Variants in LARS2 observed in about 807,000 individuals in gnomAD.
LARS2 encodes the protein leucine--tRNA ligase, mitochondrial.
Under a neutral mutation model 116.6 loss-of-function variants are expected in LARS2, and 81 were observed. The ratio of observed to expected loss-of-function variants is 0.69; its 90% CI spans 0.58 to 0.84. The LOEUF (loss-of-function observed/expected upper bound fraction) is 0.84, where lower values mean the gene tolerates loss of function less well. LARS2 is among the 40% of genes least tolerant of loss of function. The pLI is 0.00. For missense variants in LARS2, 968 were observed against 1,114.5 expected (o/e 0.87, Z 1.87); for synonymous variants, 396 against 407.2 (o/e 0.97, Z 0.33).
Position 45,516,199 on chromosome 3 carries a change from A to C in LARS2, c.1967A>C (p.Gln656Pro). 6.2e-7 allele frequency: 1 copy of C among 1,614,240 alleles called. No individual in the cohort carries two copies. The highest frequency in any genetic ancestry group is 8.5e-7 in the Non-Finnish European group (1 of 1,180,034). The change falls in exon 17 of 22, where the codon CAG (glutamine) becomes CCG (proline). Residue 656 changes from glutamine (Q) to proline (P), a missense_variant. Gln to Pro is a moderately conservative substitution (Grantham distance 76, BLOSUM62 -1). Coordinates refer to ENST00000645846, the MANE Select transcript of LARS2 (RefSeq NM_015340.4). ...NGVDPEEVVE[Q>P]YGIDTIRLYI... ...GTGGACCCAGAGGAAGTTGTGGAGC[A>C]GTATGGGATCGACACGATTCGGCTC...
chr3:45,504,299 A>G (rs1049270200), intron 15 of LARS2, among the ~76,000 whole-genome samples: 2 of 152,052 alleles, frequency 1.3e-5, no homozygotes. Flanking sequence ...ATAGAAAAAT[A>G]TTACTTTTAA....
At chr3:45,434,369 G>T (rs75878570) in intron 6 of LARS2, among the ~76,000 whole-genome samples, 2 of 152,072 alleles carry the variant, frequency 1.3e-5, no homozygotes, top group African/African-American at 4.8e-5. Flanking sequence ...CATTCTGCTG[G>T]TGAGCCCATC....
chr3:45,466,541 C>T (rs535666821), intron 8 of LARS2, among the ~76,000 whole-genome samples: 2 of 152,158 alleles, frequency 1.3e-5, no homozygotes, highest in South Asian at 2.1e-4. Flanking sequence ...TTATTTTGAG[C>T]GGCCCACATC....
intron 18 of LARS2, 87 bp from the exon 19 acceptor site, chr3:45,520,132 C>G: frequency 1.1e-6 from 1 of 874,680 alleles, no homozygotes; most frequent in South Asian, 1.4e-5. Flanking sequence ...ATTCATTTTC[C>G]TTTTTTTTTG....
At chr3:45,484,742 A>G (rs1699777163) in intron 10 of LARS2, among the ~76,000 whole-genome samples, 1 of 148,524 alleles carries the variant, frequency 6.7e-6, no homozygotes, top group African/African-American at 2.5e-5. Flanking sequence ...ATAAATCCAA[A>G]TTAAGTGTTT....
intron 15 of LARS2, among the ~76,000 whole-genome samples, chr3:45,506,631 A>G (rs1244475127): frequency 4.6e-5 from 7 of 152,084 alleles, no homozygotes; most frequent in African/African-American, 1.7e-4. Context: ...CTCAAGTAGC[A>G]GCTGTGAAAC....
At chr3:45,391,679 T>G (rs1272052384) in intron 2 of LARS2, 31 bp downstream of exon 2, 2 of 152,232 alleles carry the variant, frequency 1.3e-5, no homozygotes, top group Non-Finnish European at 2.9e-5. Context: ...TTTTCTCTTA[T>G]TTGTTGAATA....
intron 20 of LARS2, among the ~76,000 whole-genome samples, chr3:45,530,321 A>G (rs1295558030): frequency 6.6e-6 from 1 of 152,198 alleles, no homozygotes; most frequent in African/African-American, 2.4e-5. Flanking sequence ...AAAGATCAAG[A>G]CCATCTTGGC....
At chr3:45,393,632 A>G (rs944736025) in intron 2 of LARS2, among the ~76,000 whole-genome samples, 14 of 151,846 alleles carry the variant, frequency 9.2e-5, no homozygotes, top group Non-Finnish European at 1.9e-4. Flanking sequence ...TTACTGCTAT[A>G]TTCCCAGTAC....
intron 21 of LARS2, among the ~76,000 whole-genome samples, chr3:45,544,659 C>T (rs1455752526): frequency 6.6e-6 from 1 of 152,190 alleles, no homozygotes; most frequent in East Asian, 1.9e-4. Context: ...GAAATGGTGG[C>T]AGGATGGAGC....
intron 20 of LARS2, among the ~76,000 whole-genome samples, chr3:45,529,069 G>A (rs761084761): frequency 1.3e-4 from 20 of 152,012 alleles, no homozygotes; most frequent in Middle Eastern, 3.4e-3. Flanking sequence ...GGGTTTCACC[G>A]TGTTGCCAGT....
At chr3:45,409,697 A>T (rs889710611) in intron 4 of LARS2, among the ~76,000 whole-genome samples, 3 of 152,200 alleles carry the variant, frequency 2.0e-5, no homozygotes, top group Non-Finnish European at 4.4e-5. Flanking sequence ...AGAAACAAAG[A>T]GACCCTTTCC....
At chr3:45,458,703 A>C in intron 7 of LARS2, 40 bp from the exon 8 acceptor site, 1 of 1,605,030 alleles carries the variant, frequency 6.2e-7, no homozygotes. Context: ...AAAAAAGAGT[A>C]CTCACCAGAT....
intron 6 of LARS2, among the ~76,000 whole-genome samples, chr3:45,441,373 C>A (rs547642223): frequency 7.2e-4 from 110 of 152,328 alleles, no homozygotes; most frequent in African/African-American, 2.4e-3. Flanking sequence ...ATTTTTCCTG[C>A]AAGCCCAGCC....
intron 16 of LARS2, 130 bp downstream of exon 16, chr3:45,513,365 G>A (rs1300898866): frequency 1.2e-5 from 8 of 678,670 alleles, no homozygotes; most frequent in African/African-American, 1.1e-4. Flanking sequence ...CTGGCTGTGA[G>A]GTCTCTAAGC....
In LARS2 at chr3:45,491,558, T is replaced by G; in HGVS notation, c.1281T>G (p.Thr427=). The G allele has an allele frequency of 2.5e-6, 4 of 1,614,120 alleles. No individual in the cohort carries two copies. Among genetic ancestry groups the G allele is most frequent in the Non-Finnish European group, 3.4e-6 (4 of 1,180,010 alleles). Residue 427 remains threonine (T), a synonymous_variant, in exon 13 of 22, where the codon ACT becomes ACG. Transcript: ENST00000645846. ...MTRQDAFLAL[T]QKARGKRVGG... Reference sequence around the variant, plus strand: ...GGCAGGATGCTTTTCTAGCCCTGACTCAGAAAGCCCGGGGGAAGAGAGTGG... The same window carrying G: ...GGCAGGATGCTTTTCTAGCCCTGACGCAGAAAGCCCGGGGGAAGAGAGTGG...
chr3:45,510,598 G>A (rs1700273837), intron 15 of LARS2, among the ~76,000 whole-genome samples: 1 of 152,238 alleles, frequency 6.6e-6, no homozygotes, highest in African/African-American at 2.4e-5. Flanking sequence ...TGGCATTTGA[G>A]TTGAGCCAGG....
At chr3:45,528,293 T>C (rs1700561695) in intron 20 of LARS2, among the ~76,000 whole-genome samples, 1 of 152,156 alleles carries the variant, frequency 6.6e-6, no homozygotes, top group Admixed American at 6.5e-5. Flanking sequence ...GCCATAATCA[T>C]GCCACTGTAC....
At chr3:45,430,090 C>A (rs1451031894) in intron 6 of LARS2, among the ~76,000 whole-genome samples, 1 of 141,308 alleles carries the variant, frequency 7.1e-6, no homozygotes. Flanking sequence ...CGGCTCCCTG[C>A]AAGCTTGGCC....
Sources: allele counts gnomAD v4.1 joint callset (sites outside exome capture counted in the v4.1 genomes callset), GRCh38; gene constraint gnomAD v4.1.1; transcripts MANE v1.5; gene names NCBI Gene and HGNC (gene_info 2026-07-23, HGNC 2026-07-21).